KLHL11: variants seen among roughly 807,000 people sequenced by gnomAD.
KLHL11 encodes the protein kelch like family member 11.
Under a neutral mutation model 56.1 loss-of-function variants are expected in KLHL11, and 26 were observed. That is an observed-to-expected ratio of 0.46 (90% CI 0.34 to 0.64). The LOEUF (loss-of-function observed/expected upper bound fraction) is 0.64, where lower values mean the gene tolerates loss of function less well. KLHL11 is among the 30% of genes least tolerant of loss of function. KLHL11 has a pLI of 0.01. For missense variants in KLHL11, 627 were observed against 919.4 expected, an observed-to-expected ratio of 0.68 and a Z score of 4.11; for synonymous variants, 338 against 345.8, an observed-to-expected ratio of 0.98 and a Z score of 0.25.
rs1350982387 is a variant in KLHL11, at chr17:41,850,940, A to G, written c.*2800T>C. 2 of 152,246 alleles carry G rather than the reference A, an allele frequency of 1.3e-5. No homozygotes were observed. The highest frequency in any genetic ancestry group is 2.9e-5 in the Non-Finnish European group (2 of 68,040). The allele number at this position is 152,246 out of a possible 1,614,324, so 9.4% of individuals were successfully genotyped here. A position where few individuals can be genotyped will look rare whatever the true frequency, so the allele number is the denominator to read the frequency against. ...ATTTCAAGTTCTTAGTATAGAGCCC[A>G]AGACCTACAACTTGCAGCAAATAGC... is the stretch of plus-strand genomic sequence containing the variant. On this transcript the variant is annotated 3_prime_UTR_variant, in exon 2 of 2. Coordinates refer to ENST00000319121, the MANE Select transcript of KLHL11 (RefSeq NM_018143.3).
intron 1 of KLHL11, among the ~76,000 whole-genome samples, chr17:41,858,635 T>C (rs577081536): frequency 6.6e-6 from 1 of 152,180 alleles, no homozygotes; most frequent in East Asian, 1.9e-4. Flanking sequence ...GGTTTCATCA[T>C]GTTGGCCAGG....
intron 1 of KLHL11, among the ~76,000 whole-genome samples, chr17:41,860,389 C>T (rs574643670): frequency 8.5e-4 from 89 of 104,556 alleles, no homozygotes; most frequent in Non-Finnish European, 1.4e-3. Flanking sequence ...GACATATGTA[C>T]TTAGGGGTTT....
chr17:41,864,103 A>C (rs78310125), intron 1 of KLHL11, among the ~76,000 whole-genome samples: 1 of 152,276 alleles, frequency 6.6e-6, no homozygotes, highest in African/African-American at 2.4e-5. Flanking sequence ...ATTTTTGTTA[A>C]TGTATCTGTA....
Position 41,855,051 on chromosome 17 carries a change from T to C in KLHL11, c.816A>G (p.Lys272=), listed in dbSNP as rs1555622390. 40 of 1,614,036 alleles carry C rather than the reference T, an allele frequency of 2.5e-5. No homozygotes were observed. The highest frequency in any genetic ancestry group is 3.1e-5 in the Non-Finnish European group (36 of 1,180,046). ...TCTCTTCAGCATTTCTCTGAACCCA[T>C]TTCAAAACGGTTTCAAAGAGAACCT... The part of the protein sequence containing the change: ...SEEVLFETVL[K]WVQRNAEERE... The change falls in exon 2 of 2, where the codon AAA becomes AAG. Residue 272 remains lysine (K), a synonymous_variant. Coordinates refer to ENST00000319121, the MANE Select transcript of KLHL11 (RefSeq NM_018143.3).
chr17:41,865,165 T>C lies in KLHL11; in HGVS notation c.206A>G (p.Glu69Gly). 6.2e-7 allele frequency: 1 copy of C among 1,609,924 alleles called. No homozygotes were observed. Among genetic ancestry groups the C allele is most frequent in the Non-Finnish European group, 8.5e-7 (1 of 1,178,920 alleles). ...ASGGDPGPEA[E>G]DFECSSHCSE... ...GCAGTGAGAGCTGCACTCGAAATCC[T>C]CGGCTTCTGGGCCCGGATCGCCCCC... The change falls in exon 1 of 2, where the codon GAG becomes GGG. Residue 69 changes from glutamate (E) to glycine (G), a missense_variant. This residue lies in a region of KLHL11 where 121 missense variants were observed against 116.2 expected (regional missense o/e 1.04). Transcript: ENST00000319121.
intron 1 of KLHL11, among the ~76,000 whole-genome samples, chr17:41,858,404 A>ATTT (rs1555622755): frequency 0.014 from 968 of 66,930 alleles, 9 homozygotes; most frequent in African/African-American, 0.042. Flanking sequence ...ATATATATAT[A>ATTT]TTTTTTGTTG....
chr17:41,853,564 C>A lies in KLHL11; in HGVS notation c.*176G>T, dbSNP rs782414683. ...CAAAAATTGCAAGCTAACAAAATGA[C>A]CATGTATTGAACTGAGTCTCCCATT... On this transcript the variant is annotated 3_prime_UTR_variant, in exon 2 of 2. Coordinates refer to ENST00000319121, the MANE Select transcript of KLHL11 (RefSeq NM_018143.3). 3.2e-6 allele frequency: 2 copies of A among 632,220 alleles called. No individual in the cohort carries two copies. Among genetic ancestry groups the A allele is most frequent in the East Asian group, 6.1e-5 (2 of 32,874 alleles). The allele number at this position is 632,220 out of a possible 1,614,324, so 39.2% of individuals were successfully genotyped here.
chr17:41,848,573 G>A lies in KLHL11; in HGVS notation c.*5167C>T. On this transcript the variant is annotated 3_prime_UTR_variant, in exon 2 of 2. Transcript: ENST00000319121. ...ACTGAGACAATTAGTAGCTTTAACA[G>A]AGAACAAGATAGCTTCAGGAACATA... 1 of 392,464 alleles carries A rather than the reference G, an allele frequency of 2.5e-6. No homozygotes were observed. Among genetic ancestry groups the A allele is most frequent in the Non-Finnish European group, 4.6e-6 (1 of 216,114 alleles). 24.3% of individuals were successfully genotyped at this position (392,464 alleles called of 1,614,324 possible).
rs782276291 is a variant in KLHL11 at position 41,865,323 on chromosome 17, T to C, written c.48A>G (p.Ala16=). The change falls in exon 1 of 2, where the codon GCA becomes GCG. Residue 16 remains alanine (A), a synonymous_variant. Coordinates refer to ENST00000319121, the MANE Select transcript of KLHL11 (RefSeq NM_018143.3). ...VAAAAAAAAA[A]SLQVLEMESM... ...TCTCCATCTCCAGTACCTGAAGAGA[T>C]GCAGCCGCGGCCGCCGCCGCCGCCG... 2.0e-6 allele frequency: 3 copies of C among 1,473,336 alleles called. No individual in the cohort carries two copies. The African/African-American group carries it at 4.5e-5, about 22-fold the overall frequency. The allele number at this position is 1,473,336 out of a possible 1,614,324, so 91.3% of individuals were successfully genotyped here.
rs1006353196 is a variant in KLHL11, at chr17:41,865,408, C to T, written c.-38G>A. 3.2e-6 allele frequency: 4 copies of T among 1,245,566 alleles called. No homozygotes were observed. The highest frequency in any genetic ancestry group is 4.2e-6 in the Non-Finnish European group (4 of 945,142). 77.2% of individuals were successfully genotyped at this position (1,245,566 alleles called of 1,614,324 possible). ...GCGCCCGGCCTCCACAGCCTCGGAACGATGCGGCTGTTGGTACGACACAGA... is the reference window on the plus strand; with the variant it reads ...GCGCCCGGCCTCCACAGCCTCGGAATGATGCGGCTGTTGGTACGACACAGA... On this transcript the variant is annotated 5_prime_UTR_variant, in exon 1 of 2. Transcript: ENST00000319121.
At chr17:41,859,201 G>A (rs1370082831) in intron 1 of KLHL11, among the ~76,000 whole-genome samples, 1 of 152,058 alleles carries the variant, frequency 6.6e-6, no homozygotes, top group Non-Finnish European at 1.5e-5. Context: ...GGGATGCAAA[G>A]CAAACTCAAA....
rs1372737221 is a variant in KLHL11, at chr17:41,853,213, CA to C, written c.*526del. Among the ~76,000 whole-genome samples, 1 of 152,196 alleles carries C rather than the reference CA, an allele frequency of 6.6e-6. No homozygotes were observed. Among genetic ancestry groups the C allele is most frequent in the Non-Finnish European group, 1.5e-5 (1 of 68,038 alleles). ...TTTCTAGATAAACATAAGAAAATAT[CA>C]ATGCAAACATTCTCAAATTATCTTG... On this transcript the variant is annotated 3_prime_UTR_variant, in exon 2 of 2. Coordinates refer to ENST00000319121, the MANE Select transcript of KLHL11 (RefSeq NM_018143.3).
chr17:41,854,827 T>A lies in KLHL11; in HGVS notation c.1040A>T (p.His347Leu). The A allele has an allele frequency of 6.2e-7, 1 of 1,613,524 alleles. No individual in the cohort carries two copies. Among genetic ancestry groups the A allele is most frequent in the South Asian group, 1.1e-5 (1 of 91,068 alleles). The change falls in exon 2 of 2, where the codon CAT becomes CTT. Residue 347 changes from histidine (H) to leucine (L), a missense_variant. By Grantham distance (99) the His-to-Leu change is moderately conservative. Around this residue, in one of 4 missense-constraint regions of KLHL11, gnomAD observed 106 missense variants for 227.0 expected, o/e 0.47. Transcript: ENST00000319121. The surrounding 1 kb of genome is among the most constrained non-coding windows in gnomAD (Gnocchi z 4.9). The stretch of plus-strand genomic sequence containing the variant: ...CCCATAACGAGGCAATAGTGACACA[T>A]GAGAAGTGGGGTGCTGGCATGTGCC... ...QSGTCQHPTS[H>L]VSLLPRYGQN...
Position 41,853,773 on chromosome 17 carries a change from C to T in KLHL11, c.2094G>A (p.Met698Ile). 6.2e-7 allele frequency: 1 copy of T among 1,613,588 alleles called. No individual in the cohort carries two copies. Among genetic ancestry groups the T allele is most frequent in the Non-Finnish European group, 8.5e-7 (1 of 1,179,580 alleles). The change falls in exon 2 of 2, where the codon ATG becomes ATA. Residue 698 changes from methionine to isoleucine, a missense_variant. Met to Ile is a conservative substitution (Grantham distance 10, BLOSUM62 1). Transcript: ENST00000319121. ...CAATCTGAGAGCTTGGCACTCGCCT[C>T]ATGTTCAGGGCGTGACGATGTATCT... ...MQEIHRHALN[M>I]RRVPSSQIEC
chr17:41,865,119 C>T lies in KLHL11; in HGVS notation c.252G>A (p.Gln84=). The T allele has an allele frequency of 4.4e-6, 7 of 1,606,672 alleles. No homozygotes were observed. Among genetic ancestry groups the T allele is most frequent in the Non-Finnish European group, 6.0e-6 (7 of 1,176,056 alleles). The change falls in exon 1 of 2, where the codon CAG becomes CAA. Residue 84 remains glutamine (Q), a synonymous_variant. Transcript: ENST00000319121. The stretch of plus-strand genomic sequence containing the variant: ...AGAGGCCCTGGCGCCGCTGCTCGTT[C>T]TGCCGCCAGGACAGCTCTGAGCAGT... ...SSHCSELSWR[Q]NEQRRQGLFC...
At position 41,852,683 on chromosome 17, in the gene KLHL11, C is replaced by T. The variant is rs1429742351; in HGVS notation, c.*1057G>A. ...GTGGGTACCTGTAATCCCAGCTACTCGGGATGCTGAGGCAAGAGAATCACT... is the reference window on the plus strand; with the variant it reads ...GTGGGTACCTGTAATCCCAGCTACTTGGGATGCTGAGGCAAGAGAATCACT... On this transcript the variant is annotated 3_prime_UTR_variant, in exon 2 of 2. Coordinates refer to ENST00000319121, the MANE Select transcript of KLHL11 (RefSeq NM_018143.3). Among the ~76,000 whole-genome samples, 2 of 148,672 alleles carry T rather than the reference C, an allele frequency of 1.3e-5. No individual in the cohort carries two copies. The highest frequency in any genetic ancestry group is 3.0e-5 in the Non-Finnish European group (2 of 67,592).
Position 41,852,223 on chromosome 17 carries a change from C to T in KLHL11, c.*1517G>A, listed in dbSNP as rs2048335921. Among the ~76,000 whole-genome samples the T allele has an allele frequency of 6.6e-6, 1 of 151,862 alleles. No individual in the cohort carries two copies. Among genetic ancestry groups the T allele is most frequent in the Non-Finnish European group, 1.5e-5 (1 of 67,990 alleles). On this transcript the variant is annotated 3_prime_UTR_variant, in exon 2 of 2. Coordinates refer to ENST00000319121, the MANE Select transcript of KLHL11 (RefSeq NM_018143.3). ...GTAGAGACAGGATCTTGCTATGTTTCCCAGGCTGGTCTTGAACTCTTGGGC... is the reference window on the plus strand; with the variant it reads ...GTAGAGACAGGATCTTGCTATGTTTTCCAGGCTGGTCTTGAACTCTTGGGC...
rs2048329135 is a variant in KLHL11, at chr17:41,850,986, TTC to T, written c.*2752_*2753del. On this transcript the variant is annotated 3_prime_UTR_variant, in exon 2 of 2. Coordinates refer to ENST00000319121, the MANE Select transcript of KLHL11 (RefSeq NM_018143.3). ...ATAGCCAAAATTTCTGGTTGTGCTT[TTC>T]TCTTTTGGTATTTGATCACTAACAA... 2 of 152,326 alleles carry T rather than the reference TTC, an allele frequency of 1.3e-5. No homozygotes were observed. The highest frequency in any genetic ancestry group is 1.3e-4 in the Admixed American group (2 of 15,292). 9.4% of individuals were successfully genotyped at this position (152,326 alleles called of 1,614,324 possible).
At chr17:41,857,224 A>G (rs1555622640) in intron 1 of KLHL11, among the ~76,000 whole-genome samples, 3 of 149,940 alleles carry the variant, frequency 2.0e-5, no homozygotes. Context: ...AAGCGTATAC[A>G]GGCCGGGCGC....
Sources: gnomAD v4.1 joint callset for allele counts (sites outside exome capture counted in the v4.1 genomes callset) on GRCh38, gnomAD v4.1.1 for gene constraint, gnomAD v4.1.1 regional missense constraint, Gnocchi (gnomAD v3.1) non-coding constraint, MANE v1.5 for transcripts, NCBI Gene and HGNC (gene_info 2026-07-23, HGNC 2026-07-21) for gene names.